The following LARGE1 variants were observed in gnomAD, a reference collection of about 807,000 sequenced individuals.
LARGE1 encodes xylosyl- and glucuronyltransferase LARGE1.
In LARGE1, 43 loss-of-function variants were observed where a neutral mutation model predicts 87.6. The ratio of observed to expected loss-of-function variants is 0.49; its 90% CI spans 0.38 to 0.63. LARGE1 has a LOEUF of 0.63. Ranked by LOEUF, LARGE1 falls within the 30% of genes least tolerant of loss-of-function variation. The pLI is 0.00. For missense variants in LARGE1, 802 were observed against 1,000.2 expected, an observed-to-expected ratio of 0.80 and a Z score of 2.67; for synonymous variants, 434 against 394.6, an observed-to-expected ratio of 1.10 and a Z score of -1.18.
At chr22:33,131,175 A>G in the LARGE1 span, among the ~76,000 whole-genome samples, 52,480 of 151,898 alleles carry the variant, frequency 0.35, 9,283 homozygotes, top group South Asian at 0.47. Flanking sequence ...AATTAAATAC[A>G]TCTCTTATAT....
rs758282272 is a variant in LARGE1, at chr22:33,352,159, G to C, written c.1132-14358C>G. Among the ~76,000 whole-genome samples, 59 of 152,176 alleles carry C rather than the reference G, an allele frequency of 3.9e-4. 1 individual carries two copies. The highest frequency in any genetic ancestry group is 8.3e-4 in the South Asian group (4 of 4,824). On this transcript the variant is annotated intron_variant, in intron 9 of 14. Coordinates refer to ENST00000397394, the MANE Select transcript of LARGE1 (RefSeq NM_133642.5). ...GTACCTCCTGACACAATGTGAGGAG[G>C]AGGGCACTTCACATCTGTGATAGTC...
At chr22:33,530,944 C>G (rs1466859016) in intron 6 of LARGE1, among the ~76,000 whole-genome samples, 1 of 152,152 alleles carries the variant, frequency 6.6e-6, no homozygotes, top group African/African-American at 2.4e-5. Flanking sequence ...AATTGCAGAG[C>G]TTGACTCTCT....
intron 7 of LARGE1, among the ~76,000 whole-genome samples, chr22:33,419,122 C>A (rs182202784): frequency 4.9e-4 from 74 of 152,110 alleles, no homozygotes; most frequent in Non-Finnish European, 5.9e-5. Flanking sequence ...GAAGCAGGCA[C>A]GTCTTACATG....
chr22:33,596,813 A>T (rs1227971596), intron 5 of LARGE1, among the ~76,000 whole-genome samples: 2 of 152,254 alleles, frequency 1.3e-5, no homozygotes, highest in Non-Finnish European at 2.9e-5. Flanking sequence ...TGTGCCAAGC[A>T]TTGCTTTCCA....
At chr22:33,751,555 T>C (rs2084317306) in intron 2 of LARGE1, among the ~76,000 whole-genome samples, 1 of 151,872 alleles carries the variant, frequency 6.6e-6, no homozygotes, top group Admixed American at 6.6e-5. Flanking sequence ...AAAGTCTTCC[T>C]TGGGGCCTGC....
intron 6 of LARGE1, among the ~76,000 whole-genome samples, chr22:33,472,140 A>AATCCTGAT (rs940490524): frequency 6.6e-6 from 1 of 152,192 alleles, no homozygotes; most frequent in Non-Finnish European, 1.5e-5. Flanking sequence ...CTGAGCAGGC[A>AATCCTGAT]ATCCTGATTT....
At chr22:33,520,686 C>T (rs1266538293) in intron 6 of LARGE1, among the ~76,000 whole-genome samples, 3 of 152,208 alleles carry the variant, frequency 2.0e-5, no homozygotes, top group Admixed American at 2.0e-4. Flanking sequence ...TCTTTCTGTC[C>T]TGGTTTTAGT....
At chr22:33,593,251 C>T (rs1486925730) in intron 5 of LARGE1, among the ~76,000 whole-genome samples, 1 of 151,052 alleles carries the variant, frequency 6.6e-6, no homozygotes, top group Non-Finnish European at 1.5e-5. Context: ...CCATGTTGCC[C>T]AGGTGGGTCT....
chr22:33,621,447 C>T (rs2079751827), intron 4 of LARGE1, among the ~76,000 whole-genome samples: 1 of 65,552 alleles, frequency 1.5e-5, no homozygotes, highest in Non-Finnish European at 2.9e-5. Flanking sequence ...AGAAGTAAAA[C>T]TGATTTGATG....
chr22:33,189,824 TC>T (rs781290537), intron 11 of LARGE1, among the ~76,000 whole-genome samples: 1 of 151,978 alleles, frequency 6.6e-6, no homozygotes, highest in Non-Finnish European at 1.5e-5. Flanking sequence ...ATGCCCCAGA[TC>T]CAGAGTTAGG....
chr22:33,820,636 A>T (rs2086790083), intron 1 of LARGE1, among the ~76,000 whole-genome samples: 1 of 152,134 alleles, frequency 6.6e-6, no homozygotes, highest in Non-Finnish European at 1.5e-5. Context: ...CTCTCATTTT[A>T]AAGTGTTGGA....
intron 1 of LARGE1, among the ~76,000 whole-genome samples, chr22:33,789,189 C>A (rs895442535): frequency 6.6e-6 from 1 of 152,160 alleles, no homozygotes; most frequent in African/African-American, 2.4e-5. Context: ...GTGTCCCAGC[C>A]GTGGCTAAAA....
chr22:33,875,150 G>A (rs1049295471), intron 1 of LARGE1, among the ~76,000 whole-genome samples: 1 of 152,196 alleles, frequency 6.6e-6, no homozygotes, highest in Non-Finnish European at 1.5e-5. Flanking sequence ...ATTGCCTCCA[G>A]AGGGGCAATT....
Position 33,304,454 on chromosome 22 carries a change from GC to G in LARGE1, c.1504del (p.Ala502ProfsTer23). 1 of 1,613,254 alleles carries G rather than the reference GC, an allele frequency of 6.2e-7. No homozygotes were observed. The highest frequency in any genetic ancestry group is 1.3e-5 in the African/African-American group (1 of 75,054). On this transcript the variant is annotated frameshift_variant, in exon 12 of 15. Transcript: ENST00000397394. LOFTEE classifies it high-confidence loss of function. The stretch of plus-strand genomic sequence containing the variant: ...GGCCTCGGCGTCTGACAGGTAGAGG[GC>G]CAGGCTGATGGGCCCCTCCCAGTGC... ...CKHWEGPISL[A>X]LYLSDAEAQQ...
intron 7 of LARGE1, among the ~76,000 whole-genome samples, chr22:33,427,122 T>C (rs150063116): frequency 6.6e-6 from 1 of 152,318 alleles, no homozygotes; most frequent in African/African-American, 2.4e-5. Flanking sequence ...ATCCTAGGTG[T>C]ATTTTTGTTG....
intron 6 of LARGE1, among the ~76,000 whole-genome samples, chr22:33,511,823 C>T (rs541898831): frequency 3.9e-5 from 6 of 152,180 alleles, no homozygotes; most frequent in Non-Finnish European, 7.3e-5. Context: ...TAGTACCCAG[C>T]CTTTCCTCCT....
intron 2 of LARGE1, among the ~76,000 whole-genome samples, chr22:33,678,424 A>T (rs979664391): frequency 1.6e-4 from 24 of 152,114 alleles, no homozygotes; most frequent in African/African-American, 5.3e-4. Flanking sequence ...AGTATAAACC[A>T]CCACCTAAAT....
At chr22:33,234,979 G>A (rs1437011182) in intron 11 of LARGE1, among the ~76,000 whole-genome samples, 3 of 152,142 alleles carry the variant, frequency 2.0e-5, no homozygotes, top group African/African-American at 7.2e-5. Context: ...TGATTCTCCA[G>A]ACAACAAAAC....
At chr22:33,846,916 CT>C (rs2063450376) in intron 1 of LARGE1, among the ~76,000 whole-genome samples, 2 of 152,276 alleles carry the variant, frequency 1.3e-5, no homozygotes, top group Admixed American at 6.5e-5. Context: ...AATTTCACCC[CT>C]GTCCTGTGGT....
Sources: allele counts gnomAD v4.1 joint callset (sites outside exome capture counted in the v4.1 genomes callset), GRCh38; gene constraint gnomAD v4.1.1; transcripts MANE v1.5; gene names NCBI Gene and HGNC (gene_info 2026-07-23, HGNC 2026-07-21).